The following HTRA1 variants were observed in gnomAD, a reference collection of about 807,000 sequenced individuals.
The protein encoded by HTRA1 is serine protease HTRA1.
HTRA1 carries 26 observed loss-of-function variants against 49.7 expected under a neutral mutation model. The observed-to-expected ratio is 0.52, with a 90% CI of 0.38 to 0.73. The LOEUF is 0.73. Ranked by LOEUF, HTRA1 falls within the 30% of genes least tolerant of loss-of-function variation. The probability of loss-of-function intolerance (pLI) is 0.00; values close to 1 mark genes in which losing one functional copy is unlikely to be tolerated. For missense variants in HTRA1, 561 were observed against 667.2 expected, an observed-to-expected ratio of 0.84 and a Z score of 1.75; for synonymous variants, 291 against 286.9, an observed-to-expected ratio of 1.01 and a Z score of -0.14.
chr10:122,501,923 C>T (rs2097501013), intron 3 of HTRA1, among the ~76,000 whole-genome samples: 1 of 148,658 alleles, frequency 6.7e-6, no homozygotes. Flanking sequence ...TACCACCCAG[C>T]CCTTGGACAG....
chr10:122,511,873 A>G, intron 7 of HTRA1, 97 bp from the exon 8 acceptor site: 1 of 841,164 alleles, frequency 1.2e-6, no homozygotes. Flanking sequence ...TTTACCTTAG[A>G]CCTAAGGAGA....
chr10:122,511,273 A>G (rs2097505451), intron 7 of HTRA1, among the ~76,000 whole-genome samples: 1 of 152,300 alleles, frequency 6.6e-6, no homozygotes, highest in South Asian at 2.1e-4. Flanking sequence ...GTTGTAGGGT[A>G]CTGTTATTAT....
At chr10:122,475,688 C>G (rs1270927522) in intron 1 of HTRA1, among the ~76,000 whole-genome samples, 2 of 152,192 alleles carry the variant, frequency 1.3e-5, no homozygotes, top group African/African-American at 4.8e-5. Context: ...CTTAGCAATG[C>G]CATTGTCCTT....
chr10:122,511,732 C>CAAAAAAAAAAAAAA (rs56119820), intron 7 of HTRA1, among the ~76,000 whole-genome samples: 1 of 133,886 alleles, frequency 7.5e-6, no homozygotes, highest in Non-Finnish European at 1.6e-5. Context: ...GACTCTGTCT[C>CAAAAAAAAAAAAAA]AAAAAAAAAA....
chr10:122,466,462 C>T (rs1002857075), intron 1 of HTRA1, among the ~76,000 whole-genome samples: 2 of 152,178 alleles, frequency 1.3e-5, no homozygotes, highest in East Asian at 1.9e-4. Flanking sequence ...CCACTGCACC[C>T]GTGCCAAAAT....
intron 1 of HTRA1, among the ~76,000 whole-genome samples, chr10:122,479,776 G>A (rs554803982): frequency 4.5e-5 from 6 of 134,638 alleles, no homozygotes; most frequent in East Asian, 2.6e-4. Context: ...AGAGGGGATC[G>A]TGGGCCCGAG....
At chr10:122,475,250 C>T (rs1336467831) in intron 1 of HTRA1, among the ~76,000 whole-genome samples, 4 of 152,184 alleles carry the variant, frequency 2.6e-5, no homozygotes, top group Non-Finnish European at 4.4e-5. Flanking sequence ...ACATGCAGGA[C>T]GGGGGAGCAG....
At chr10:122,484,945 C>T (rs898174364) in intron 1 of HTRA1, among the ~76,000 whole-genome samples, 2 of 152,230 alleles carry the variant, frequency 1.3e-5, no homozygotes, top group African/African-American at 2.4e-5. Context: ...AATTCTCCAT[C>T]GGGATTGACT....
chr10:122,492,181 T>C (rs2300434), intron 3 of HTRA1, among the ~76,000 whole-genome samples: 24,292 of 151,894 alleles, frequency 0.16, 2,271 homozygotes, highest in East Asian at 0.36. Flanking sequence ...TGCAAAGCCA[T>C]TTAAGAGTAA....
chr10:122,507,516 A>C (rs1387073256), intron 5 of HTRA1, 114 bp downstream of exon 5: 11 of 821,954 alleles, frequency 1.3e-5, no homozygotes, highest in Non-Finnish European at 2.3e-5. Context: ...TTTCAAACAT[A>C]AGGTTGCCAA....
intron 3 of HTRA1, among the ~76,000 whole-genome samples, chr10:122,505,707 C>G (rs139648148): frequency 6.6e-6 from 1 of 152,178 alleles, no homozygotes; most frequent in Non-Finnish European, 1.5e-5. Context: ...GCAGTTCCCA[C>G]GAGGGCTGGG....
chr10:122,496,634 G>A (rs979275463), intron 3 of HTRA1, among the ~76,000 whole-genome samples: 1 of 152,112 alleles, frequency 6.6e-6, no homozygotes, highest in Admixed American at 6.6e-5. Context: ...GTATCAGGCT[G>A]CAAAGACAGC....
intron 1 of HTRA1, among the ~76,000 whole-genome samples, chr10:122,479,828 G>T (rs2097490208): frequency 6.6e-6 from 1 of 152,088 alleles, no homozygotes; most frequent in Non-Finnish European, 1.5e-5. Flanking sequence ...AAGTTTATGT[G>T]CCCCAAAGTG....
At chr10:122,512,593 G>T (rs28617445) in intron 8 of HTRA1, among the ~76,000 whole-genome samples, 96,442 of 151,764 alleles carry the variant, frequency 0.64, 30,914 homozygotes, top group Middle Eastern at 0.71. Context: ...AGAAAAGTGC[G>T]AGACCAGGGA....
intron 1 of HTRA1, among the ~76,000 whole-genome samples, chr10:122,481,113 G>A (rs1248464753): frequency 6.6e-6 from 1 of 151,824 alleles, no homozygotes; most frequent in Non-Finnish European, 1.5e-5. Context: ...TATTGTTTTT[G>A]GATTATTATT....
chr10:122,489,371 CGT>C, intron 2 of HTRA1, 49 bp from the exon 3 acceptor site: 1 of 1,497,324 alleles, frequency 6.7e-7, no homozygotes, highest in Non-Finnish European at 9.3e-7. Context: ...TGCGTTGAAG[CGT>C]TCATTTTAAG....
At chr10:122,482,508 G>C (rs1156372401) in intron 1 of HTRA1, among the ~76,000 whole-genome samples, 1 of 152,132 alleles carries the variant, frequency 6.6e-6, no homozygotes, top group Non-Finnish European at 1.5e-5. Context: ...GGCACACTAT[G>C]GGAACCATGG....
intron 1 of HTRA1, among the ~76,000 whole-genome samples, chr10:122,484,385 C>T (rs943134396): frequency 1.3e-5 from 2 of 152,158 alleles, no homozygotes; most frequent in Non-Finnish European, 1.5e-5. Flanking sequence ...AAGAGACACA[C>T]GTGAAGGCCA....
In HTRA1 at chr10:122,461,701, G is replaced by A; in HGVS notation, c.49G>A (p.Ala17Thr). 7.7e-7 allele frequency: 1 copy of A among 1,298,432 alleles called. No individual in the cohort carries two copies. The highest frequency in any genetic ancestry group is 9.9e-7 in the Non-Finnish European group (1 of 1,007,528). 80.4% of individuals were successfully genotyped at this position (1,298,432 alleles called of 1,614,324 possible). ...ALLPLLLLLL[A>T]APASAQLSRA... The stretch of plus-strand genomic sequence containing the variant: ...TCTCCCGCTGCTGCTGCTGCTGCTG[G>A]CGGCGCCCGCCTCGGCGCAGCTGTC... The change falls in exon 1 of 9, where the codon GCG (alanine) becomes ACG (threonine). Residue 17 changes from alanine to threonine, a missense_variant. By Grantham distance (58) the Ala-to-Thr change is moderately conservative. Transcript: ENST00000368984.
Sources: gnomAD v4.1 joint callset for allele counts (sites outside exome capture counted in the v4.1 genomes callset) on GRCh38, gnomAD v4.1.1 for gene constraint, MANE v1.5 for transcripts, NCBI Gene and HGNC (gene_info 2026-07-23, HGNC 2026-07-21) for gene names.